CLYBL: variants seen among roughly 807,000 people sequenced by gnomAD.
CLYBL encodes citramalyl-CoA lyase.
A neutral mutation model predicts 38.9 loss-of-function variants in CLYBL; 31 were observed. The ratio of observed to expected loss-of-function variants is 0.80; its 90% confidence interval spans 0.60 to 1.08. The LOEUF (loss-of-function observed/expected upper bound fraction) is 1.08, where lower values mean the gene tolerates loss of function less well. CLYBL is among the 50% of genes least tolerant of loss of function. The pLI is 0.00. For missense variants in CLYBL, 434 were observed against 411.6 expected (o/e 1.05, Z -0.47); for synonymous variants, 171 against 158.6 (o/e 1.08, Z -0.59).
intron 2 of CLYBL, among the ~76,000 whole-genome samples, chr13:99,816,655 C>A (rs1038687649): frequency 6.6e-6 from 1 of 152,216 alleles, no homozygotes; most frequent in African/African-American, 2.4e-5. Flanking sequence ...GCTCCCTTGC[C>A]CCTTGGGCCC....
intron 1 of CLYBL, among the ~76,000 whole-genome samples, chr13:99,705,710 C>G (rs1370063376): frequency 6.6e-6 from 1 of 151,960 alleles, no homozygotes; most frequent in Non-Finnish European, 1.5e-5. Flanking sequence ...TAGTCAAATT[C>G]ACAGCACAGA....
At chr13:99,653,886 A>G (rs1330527734) in intron 1 of CLYBL, among the ~76,000 whole-genome samples, 1 of 152,216 alleles carries the variant, frequency 6.6e-6, no homozygotes, top group Non-Finnish European at 1.5e-5. Flanking sequence ...AAGTGAGGAT[A>G]CAGATTTGGG....
intron 1 of CLYBL, among the ~76,000 whole-genome samples, chr13:99,731,596 T>G (rs77149656): frequency 0.01 from 1,548 of 152,072 alleles, 27 homozygotes; most frequent in African/African-American, 0.036. Flanking sequence ...GGCCACTGTT[T>G]AAGCTGTGCT....
intron 2 of CLYBL, among the ~76,000 whole-genome samples, chr13:99,831,987 A>G (rs535956690): frequency 3.3e-5 from 5 of 152,320 alleles, no homozygotes; most frequent in Non-Finnish European, 1.5e-5. Flanking sequence ...CTCTGTCTCA[A>G]TAGATCTTTT....
intron 1 of CLYBL, among the ~76,000 whole-genome samples, chr13:99,654,339 C>G (rs932261799): frequency 6.6e-6 from 1 of 152,128 alleles, no homozygotes; most frequent in African/African-American, 2.4e-5. Flanking sequence ...GGGAGTGAGG[C>G]CAGGAGCTTG....
chr13:99,681,548 G>T (rs1216767292), intron 1 of CLYBL, among the ~76,000 whole-genome samples: 1 of 152,166 alleles, frequency 6.6e-6, no homozygotes, highest in Non-Finnish European at 1.5e-5. Context: ...GTAAGACTGG[G>T]TAAGGAGAAT....
intron 1 of CLYBL, among the ~76,000 whole-genome samples, chr13:99,627,978 G>C (rs566802536): frequency 6.6e-6 from 1 of 152,146 alleles, no homozygotes; most frequent in Non-Finnish European, 1.5e-5. Context: ...GCAGCCCACT[G>C]GTGCTGTATT....
intron 1 of CLYBL, among the ~76,000 whole-genome samples, chr13:99,644,451 C>CA (rs2047147388): frequency 6.6e-6 from 1 of 152,120 alleles, no homozygotes; most frequent in South Asian, 2.1e-4. Flanking sequence ...GTGTAATAAT[C>CA]ACATCAAGGT....
chr13:99,691,607 AAAAAC>A (rs1192559090), intron 1 of CLYBL, among the ~76,000 whole-genome samples: 3 of 152,192 alleles, frequency 2.0e-5, no homozygotes, highest in African/African-American at 7.2e-5. Flanking sequence ...CCAAAAAACA[AAAAAC>A]AAAAAACCAG....
At chr13:99,770,915 T>A (rs2049377616) in intron 1 of CLYBL, among the ~76,000 whole-genome samples, 1 of 150,990 alleles carries the variant, frequency 6.6e-6, no homozygotes, top group Admixed American at 6.6e-5. Context: ...AGAGATGGTG[T>A]TTCACCATGT....
In CLYBL at chr13:99,645,036, G is replaced by A. The variant is rs535858158; in HGVS notation, c.62+38279G>A. On this transcript the variant is annotated intron_variant, in intron 1 of 8. Coordinates refer to ENST00000339105, the MANE Select transcript of CLYBL (RefSeq NM_206808.5). ...TTCCTTTCTTTTGGGTATATACCTA[G>A]CATTGGGATTGCTGGGTCATATGGT... Among the ~76,000 whole-genome samples, 165 of 152,268 alleles carry A rather than the reference G, an allele frequency of 1.1e-3. 2 individuals are homozygous for A. The highest frequency in any genetic ancestry group is 3.9e-3 in the African/African-American group (161 of 41,568).
chr13:99,789,594 T>C (rs972164460), intron 2 of CLYBL, among the ~76,000 whole-genome samples: 2 of 152,246 alleles, frequency 1.3e-5, no homozygotes, highest in Non-Finnish European at 2.9e-5. Flanking sequence ...CTTTGACATT[T>C]GCTGAGGAGT....
intron 1 of CLYBL, among the ~76,000 whole-genome samples, chr13:99,706,861 G>A (rs1372704055): frequency 2.6e-5 from 4 of 152,150 alleles, no homozygotes; most frequent in Admixed American, 6.5e-5. Context: ...AGACTGGAAT[G>A]TAGTGGTTGC....
At chr13:99,816,020 T>C (rs1233586308) in intron 2 of CLYBL, among the ~76,000 whole-genome samples, 12 of 152,378 alleles carry the variant, frequency 7.9e-5, no homozygotes. Flanking sequence ...GTCAAACAAC[T>C]TAACATAGTA....
downstream of CLYBL, chr13:99,897,163 T>C (rs1246830243): frequency 6.6e-6 from 1 of 152,240 alleles, no homozygotes; most frequent in African/African-American, 2.4e-5. Flanking sequence ...ACTTTTTCCA[T>C]CTTTCATCTC....
At position 99,853,532 on chromosome 13, in the gene CLYBL, A is replaced by C. The variant is rs117310736; in HGVS notation, c.250-5329A>C. Reference sequence around the variant, plus strand: ...TATAGGTTTTCTTTTTTTCAAAAACAGGCAAACTAAGTTTTCTTTTTCATG... The same window carrying C: ...TATAGGTTTTCTTTTTTTCAAAAACCGGCAAACTAAGTTTTCTTTTTCATG... On this transcript the variant is annotated intron_variant, in intron 2 of 8. Transcript: ENST00000339105. Among the ~76,000 whole-genome samples, 216 of 152,346 alleles carry C rather than the reference A, an allele frequency of 1.4e-3. 1 individual carries two copies. The highest frequency in any genetic ancestry group is 6.9e-3 in the East Asian group (36 of 5,192).
chr13:99,609,182 T>G (rs1276144845), intron 1 of CLYBL, among the ~76,000 whole-genome samples: 2 of 130,372 alleles, frequency 1.5e-5, no homozygotes, highest in African/African-American at 5.8e-5. Flanking sequence ...TTTTTTTTTT[T>G]TTTTTTTTTT....
At chr13:99,643,582 G>A (rs956311034) in intron 1 of CLYBL, among the ~76,000 whole-genome samples, 7 of 152,316 alleles carry the variant, frequency 4.6e-5, no homozygotes, top group Non-Finnish European at 1.0e-4. Flanking sequence ...GAGACTCAAT[G>A]TCAGTAGCTA....
chr13:99,892,674 A>G (rs930555295), downstream of CLYBL: 3 of 152,638 alleles, frequency 2.0e-5, no homozygotes, highest in African/African-American at 7.2e-5. Context: ...CTCTTAGACA[A>G]ACACCGCGGG....
Sources: gnomAD v4.1 joint callset for allele counts (sites outside exome capture counted in the v4.1 genomes callset) on GRCh38, gnomAD v4.1.1 for gene constraint, MANE v1.5 for transcripts, NCBI Gene and HGNC (gene_info 2026-07-23, HGNC 2026-07-21) for gene names.